Variants in MAGI2 observed in about 807,000 individuals in gnomAD.
MAGI2 encodes membrane associated guanylate kinase, WW and PDZ domain containing 2, also known as membrane-associated guanylate kinase, WW and PDZ domain-containing protein 2.
A neutral mutation model predicts 133.3 loss-of-function variants in MAGI2; 35 were observed. The observed-to-expected ratio is 0.26, with a 90% CI of 0.20 to 0.35. MAGI2 has a LOEUF of 0.35. MAGI2 is among the 10% of genes least tolerant of loss of function. MAGI2 has a pLI of 1.00. For synonymous variants in MAGI2, 729 were observed against 710.6 expected (o/e 1.03, Z -0.41); for missense variants, 1,636 against 1,863.4 (o/e 0.88, Z 2.25).
At chr7:78,389,586 G>T (rs1219790185) in intron 6 of MAGI2, among the ~76,000 whole-genome samples, 3 of 152,144 alleles carry the variant, frequency 2.0e-5, no homozygotes, top group Non-Finnish European at 2.9e-5. Flanking sequence ...ACAGATATTT[G>T]GGTAGCACAC....
At chr7:78,428,740 T>G (rs1390485824) in intron 6 of MAGI2, among the ~76,000 whole-genome samples, 1 of 152,150 alleles carries the variant, frequency 6.6e-6, no homozygotes, top group Non-Finnish European at 1.5e-5. Flanking sequence ...GGTTTCTAGC[T>G]TATTAGTTTC....
chr7:78,271,580 G>C (rs1236234244), intron 9 of MAGI2, among the ~76,000 whole-genome samples: 9 of 152,134 alleles, frequency 5.9e-5, no homozygotes, highest in Non-Finnish European at 1.3e-4. Context: ...AATCTGTCTG[G>C]TCCTGGACTT....
chr7:78,753,099 G>C (rs1158230121), intron 2 of MAGI2, among the ~76,000 whole-genome samples: 2 of 151,996 alleles, frequency 1.3e-5, no homozygotes, highest in Non-Finnish European at 2.9e-5. Flanking sequence ...GACATATGAA[G>C]AAACAAGAAA....
chr7:78,159,896 C>T, intron 16 of MAGI2, 129 bp downstream of exon 16: 1 of 1,230,872 alleles, frequency 8.1e-7, no homozygotes, highest in East Asian at 2.6e-5. Flanking sequence ...TTTGTGCCCA[C>T]AGCCTGTGGC....
chr7:78,439,336 A>C (rs1787367332), intron 6 of MAGI2, among the ~76,000 whole-genome samples: 1 of 152,042 alleles, frequency 6.6e-6, no homozygotes. Context: ...CTTACAGTCA[A>C]GCTATGAGGA....
chr7:79,183,549 A>AT (rs906745779), intron 1 of MAGI2, among the ~76,000 whole-genome samples: 7 of 151,904 alleles, frequency 4.6e-5, no homozygotes, highest in African/African-American at 1.2e-4. Context: ...TTCCACAAAT[A>AT]TTTTTTCCCA....
chr7:79,226,349 C>A (rs757232209), intron 1 of MAGI2, among the ~76,000 whole-genome samples: 2 of 152,004 alleles, frequency 1.3e-5, no homozygotes, highest in Non-Finnish European at 2.9e-5. Flanking sequence ...CGAAGCATTG[C>A]AAGGGAATGT....
Position 78,770,763 on chromosome 7 carries a change from G to A in MAGI2, c.419-143524C>T, listed in dbSNP as rs1400674018. On this transcript the variant is annotated intron_variant, in intron 2 of 21. Transcript: ENST00000354212. ...TGCTTTCCCCAGGGGTTGAGGAGCAGAAGGGTTTGGAGGCTATAAATAGAA... is the reference window on the plus strand; with the variant it reads ...TGCTTTCCCCAGGGGTTGAGGAGCAAAAGGGTTTGGAGGCTATAAATAGAA... The A allele has an allele frequency of 2.0e-5, 3 of 152,232 alleles. No individual in the cohort carries two copies. The East Asian group carries it at 5.8e-4, about 29-fold the overall frequency. The allele number at this position is 152,232 out of a possible 1,614,324, so 9.4% of individuals were successfully genotyped here. A position where few individuals can be genotyped will look rare whatever the true frequency, so the allele number is the denominator to read the frequency against.
intron 1 of MAGI2, among the ~76,000 whole-genome samples, chr7:79,151,888 G>A (rs1585055063): frequency 1.2e-5 from 1 of 85,934 alleles, no homozygotes; most frequent in South Asian, 3.0e-4. Flanking sequence ...AGTACTTCAG[G>A]TGTCTAAAGT....
In MAGI2 at chr7:78,546,324, A is replaced by G. The variant is rs192640747; in HGVS notation, c.539-24679T>C. 5.3e-3 allele frequency among the ~76,000 whole-genome samples: 805 copies of G among 152,182 alleles called. 13 individuals carry two copies. The highest frequency in any genetic ancestry group is 0.017 in the African/African-American group (722 of 41,514). ...ATCATTATTGCTAACTGGCATTCCT[A>G]CTTGCAGCACAATATTTGCTATAAG... is the stretch of plus-strand genomic sequence containing the variant. On this transcript the variant is annotated intron_variant, in intron 3 of 21. Transcript: ENST00000354212.
intron 2 of MAGI2, among the ~76,000 whole-genome samples, chr7:78,705,498 G>T (rs181300728): frequency 6.6e-6 from 1 of 152,138 alleles, no homozygotes; most frequent in East Asian, 1.9e-4. Flanking sequence ...TTTAATTCCA[G>T]GGTAAATCTA....
intron 6 of MAGI2, among the ~76,000 whole-genome samples, chr7:78,425,930 TAATTCACAGTATAATAAAAAA>T (rs1799234905): frequency 6.6e-6 from 1 of 152,128 alleles, no homozygotes; most frequent in Admixed American, 6.5e-5. Flanking sequence ...AATAATACAA[TAATTCACAGTATAATAAAAAA>T]AATTGGAAAA....
At chr7:78,298,946 G>C (rs1797581911) in intron 9 of MAGI2, among the ~76,000 whole-genome samples, 2 of 151,072 alleles carry the variant, frequency 1.3e-5, no homozygotes, top group South Asian at 4.2e-4. Context: ...CTCCCGAGTA[G>C]CTGGGACCAC....
At chr7:78,542,173 T>C (rs921098297) in intron 3 of MAGI2, among the ~76,000 whole-genome samples, 1 of 152,214 alleles carries the variant, frequency 6.6e-6, no homozygotes, top group Non-Finnish European at 1.5e-5. Context: ...AAATACTCTT[T>C]AAAAATGTAA....
chr7:78,125,917 TTC>T, intron 19 of MAGI2, 80 bp from the exon 20 acceptor site: 1 of 1,364,576 alleles, frequency 7.3e-7, no homozygotes, highest in Non-Finnish European at 1.0e-6. Flanking sequence ...TGTGTTCTCC[TTC>T]TGTCTCTTAG....
chr7:78,031,730 T>C (rs1477686272), intron 21 of MAGI2, among the ~76,000 whole-genome samples: 1 of 152,168 alleles, frequency 6.6e-6, no homozygotes, highest in Non-Finnish European at 1.5e-5. Flanking sequence ...AATCAAAAAG[T>C]ACTTATGTCA....
At chr7:79,124,947 T>C in intron 1 of MAGI2, 1 of 290,830 alleles carries the variant, frequency 3.4e-6, no homozygotes, top group Non-Finnish European at 6.7e-6. Flanking sequence ...GATGCAGCCC[T>C]GAATTAAAAG....
intron 2 of MAGI2, among the ~76,000 whole-genome samples, chr7:78,676,591 C>T (rs1034851923): frequency 1.3e-5 from 2 of 152,064 alleles, no homozygotes; most frequent in Non-Finnish European, 2.9e-5. Context: ...GGGAAAACTA[C>T]AGATTATTTC....
intron 2 of MAGI2, among the ~76,000 whole-genome samples, chr7:78,961,894 A>G (rs1802877852): frequency 6.6e-6 from 1 of 152,080 alleles, no homozygotes. Context: ...GCTATATGGT[A>G]TAGCCTACTA....
Sources: gnomAD v4.1 joint callset for allele counts (sites outside exome capture counted in the v4.1 genomes callset) on GRCh38, gnomAD v4.1.1 for gene constraint, MANE v1.5 for transcripts, NCBI Gene and HGNC (gene_info 2026-07-23, HGNC 2026-07-21) for gene names.